Variants in DTNB observed in about 807,000 individuals in gnomAD.
DTNB encodes the protein DTN-B.
In DTNB, 63 loss-of-function variants were observed where a neutral mutation model predicts 90.7. The ratio of observed to expected loss-of-function variants is 0.69; its 90% CI spans 0.57 to 0.86. The LOEUF (loss-of-function observed/expected upper bound fraction) is 0.86, where lower values mean the gene tolerates loss of function less well. Among genes scored for constraint, DTNB ranks in the 40% least tolerant of loss-of-function variants. The pLI, the probability that DTNB is intolerant of heterozygous loss-of-function variation, is 0.00. For synonymous variants in DTNB, 277 were observed against 286.7 expected (o/e 0.97, Z 0.34); for missense variants, 744 against 807.1 (o/e 0.92, Z 0.95).
chr2:25,445,596 G>A lies in DTNB; in HGVS notation c.1257+5952C>T, dbSNP rs192365576. On this transcript the variant is annotated intron_variant, in intron 12 of 20. Transcript: ENST00000406818. ...GTTTAATATGGTCCTGCATGAGCCCGCCTGTCTGACTTCATTCCAGCATTG... is the reference window on the plus strand; with the variant it reads ...GTTTAATATGGTCCTGCATGAGCCCACCTGTCTGACTTCATTCCAGCATTG... 3.9e-5 allele frequency among the ~76,000 whole-genome samples: 6 copies of A among 152,282 alleles called. No individual in the cohort carries two copies. In the East Asian group the frequency reaches 9.6e-4, roughly 24 times the overall value.
chr2:25,439,904 T>C (rs536852426), intron 12 of DTNB, among the ~76,000 whole-genome samples: 2 of 152,314 alleles, frequency 1.3e-5, no homozygotes, highest in South Asian at 2.1e-4. Flanking sequence ...ATCCAGCAAG[T>C]AGCAAAGGCA....
chr2:25,442,071 T>C (rs960787334), intron 12 of DTNB, among the ~76,000 whole-genome samples: 2 of 152,208 alleles, frequency 1.3e-5, no homozygotes, highest in Non-Finnish European at 1.5e-5. Context: ...ATTTGGCTCA[T>C]ATTTGGCAAG....
chr2:25,428,845 TCA>T (rs1218976820), intron 14 of DTNB, among the ~76,000 whole-genome samples: 2 of 152,158 alleles, frequency 1.3e-5, no homozygotes, highest in Non-Finnish European at 2.9e-5. Flanking sequence ...TCACTTAGCC[TCA>T]GTTTTCTCTC....
At chr2:25,496,842 C>CA (rs34608606) in intron 9 of DTNB, among the ~76,000 whole-genome samples, 32,950 of 105,996 alleles carry the variant, frequency 0.31, 4,223 homozygotes, top group South Asian at 0.4. Flanking sequence ...GACTCTGTTT[C>CA]AAAAAAAAAA....
intron 9 of DTNB, among the ~76,000 whole-genome samples, chr2:25,528,926 G>A (rs910859980): frequency 1.3e-5 from 2 of 152,074 alleles, no homozygotes; most frequent in Non-Finnish European, 2.9e-5. Context: ...ACACATTCAT[G>A]GAATGAAAGC....
intron 5 of DTNB, 37 bp from the exon 6 acceptor site, chr2:25,596,277 G>GA (rs2064617293): frequency 1.3e-6 from 2 of 1,548,446 alleles, no homozygotes; most frequent in Admixed American, 4.1e-5. Context: ...AAGCTATAAG[G>GA]AAATATCAGC....
intron 9 of DTNB, among the ~76,000 whole-genome samples, chr2:25,491,676 A>G (rs960034801): frequency 4.6e-5 from 7 of 151,450 alleles, no homozygotes; most frequent in Non-Finnish European, 8.8e-5. Flanking sequence ...ATTCTTTTCT[A>G]CTTAACTCTA....
chr2:25,538,503 G>A (rs988265854), intron 8 of DTNB, among the ~76,000 whole-genome samples: 1 of 152,176 alleles, frequency 6.6e-6, no homozygotes, highest in Non-Finnish European at 1.5e-5. Context: ...CCAGTCTGGA[G>A]TGCAATGGCG....
At chr2:25,643,920 G>A (rs1056985107) in intron 2 of DTNB, among the ~76,000 whole-genome samples, 1 of 152,126 alleles carries the variant, frequency 6.6e-6, no homozygotes, top group Non-Finnish European at 1.5e-5. Flanking sequence ...TGATAAAACG[G>A]GTTGCAGTAA....
At chr2:25,526,395 A>ATATATATATATATATTTTTTT in intron 9 of DTNB, among the ~76,000 whole-genome samples, 9 of 49,816 alleles carry the variant, frequency 1.8e-4, no homozygotes, top group African/African-American at 7.8e-4. Context: ...ATATATATAT[A>ATATATATATATATATTTTTTT]TTTTTTTTTT....
intron 19 of DTNB, among the ~76,000 whole-genome samples, chr2:25,381,656 G>T (rs1284067988): frequency 1.3e-5 from 2 of 152,220 alleles, no homozygotes; most frequent in African/African-American, 4.8e-5. Context: ...GATTACAGGT[G>T]TAAGCCACCA....
At chr2:25,499,109 CG>C (rs1331744126) in intron 9 of DTNB, among the ~76,000 whole-genome samples, 1 of 150,110 alleles carries the variant, frequency 6.7e-6, no homozygotes, top group Non-Finnish European at 1.5e-5. Context: ...CCCAGCTACT[CG>C]GGAGGCTGAG....
intron 1 of DTNB, among the ~76,000 whole-genome samples, chr2:25,657,978 C>G (rs1460701678): frequency 6.6e-6 from 1 of 151,938 alleles, no homozygotes; most frequent in Admixed American, 6.6e-5. Context: ...TGACAAGGGC[C>G]GGGTGCAGTG....
rs34257264 is a variant in DTNB, at chr2:25,415,244, C to CTTTTT, written c.1575+4266_1575+4270dup. 2.8e-4 allele frequency among the ~76,000 whole-genome samples: 35 copies of CTTTTT among 123,516 alleles called. 1 individual carries two copies. Among genetic ancestry groups the CTTTTT allele is most frequent in the Non-Finnish European group, 3.6e-4 (21 of 58,668 alleles). The allele number at this position is 123,516 out of a possible 152,430, so 81.0% of individuals were successfully genotyped here. A position where few individuals can be genotyped will look rare whatever the true frequency, so the allele number is the denominator to read the frequency against. ...TTCCAGGTTCCTGGCATAAGAGCTT[C>CTTTTT]TTTTTTTTTTTTTTTTTTTTGAGAC... On this transcript the variant is annotated intron_variant, in intron 16 of 20. Transcript: ENST00000406818.
intron 5 of DTNB, among the ~76,000 whole-genome samples, chr2:25,596,855 T>C (rs2064773432): frequency 6.6e-6 from 1 of 152,220 alleles, no homozygotes; most frequent in South Asian, 2.1e-4. Context: ...GACCCTATTT[T>C]TATATTAAGT....
At chr2:25,428,975 A>T (rs2052890278) in intron 14 of DTNB, among the ~76,000 whole-genome samples, 1 of 152,182 alleles carries the variant, frequency 6.6e-6, no homozygotes, top group Non-Finnish European at 1.5e-5. Flanking sequence ...TCATTTCATC[A>T]TCCCATAATG....
intron 5 of DTNB, among the ~76,000 whole-genome samples, chr2:25,605,310 A>T (rs1314051274): frequency 1.3e-5 from 2 of 152,218 alleles, no homozygotes; most frequent in Non-Finnish European, 2.9e-5. Context: ...TCCAAACACT[A>T]TTGCAATGAC....
chr2:25,423,207 A>G (rs980328564), intron 15 of DTNB, among the ~76,000 whole-genome samples: 9 of 143,340 alleles, frequency 6.3e-5, no homozygotes, highest in African/African-American at 2.0e-4. Context: ...AGACAAAAAA[A>G]CAAAAAAACA....
chr2:25,494,385 T>C lies in DTNB; in HGVS notation c.1002-11512A>G, dbSNP rs564800099. Among the ~76,000 whole-genome samples, 85 of 148,960 alleles carry C rather than the reference T, an allele frequency of 5.7e-4. 1 individual carries two copies. The highest frequency in any genetic ancestry group is 2.1e-3 in the African/African-American group (84 of 40,580). On this transcript the variant is annotated intron_variant, in intron 9 of 20. Transcript: ENST00000406818. ...TCAGATTAGAGTTCTCAGGGAACAA[T>C]AAATTTTCAAGTTTGAGAAACACTG...
Sources: allele counts gnomAD v4.1 joint callset (sites outside exome capture counted in the v4.1 genomes callset), GRCh38; gene constraint gnomAD v4.1.1; transcripts MANE v1.5; gene names NCBI Gene and HGNC (gene_info 2026-07-23, HGNC 2026-07-21).